Variants in ZNF341 observed in about 807,000 individuals in gnomAD.
The protein encoded by ZNF341 is zinc finger protein 341.
Under a neutral mutation model 87.7 loss-of-function variants are expected in ZNF341, and 52 were observed. The ratio of observed to expected loss-of-function variants is 0.59; its 90% CI spans 0.47 to 0.75. The LOEUF (loss-of-function observed/expected upper bound fraction) is 0.75, where lower values mean the gene tolerates loss of function less well. ZNF341 is among the 30% of genes least tolerant of loss of function. The pLI is 0.00. For missense variants in ZNF341, 977 were observed against 1,145.9 expected, an observed-to-expected ratio of 0.85 and a Z score of 2.13; for synonymous variants, 459 against 472.7, an observed-to-expected ratio of 0.97 and a Z score of 0.38.
At chr20:33,767,071 A>G (rs377400179) in intron 9 of ZNF341, 30 bp downstream of exon 9, 11 of 1,594,386 alleles carry the variant, frequency 6.9e-6, no homozygotes, top group Non-Finnish European at 9.4e-6. Flanking sequence ...AGGGGCCCAC[A>G]CCACACCAGT....
Position 33,731,999 on chromosome 20 carries a change from G to GCGGCGA in ZNF341, c.-17_-12dup. 1.4e-6 allele frequency: 2 copies of GCGGCGA among 1,439,486 alleles called. No homozygotes were observed. Among genetic ancestry groups the GCGGCGA allele is most frequent in the Non-Finnish European group, 9.2e-7 (1 of 1,091,696 alleles). The allele number at this position is 1,439,486 out of a possible 1,614,324, so 89.2% of individuals were successfully genotyped here. On this transcript the variant is annotated 5_prime_UTR_variant, in exon 1 of 15. Coordinates refer to ENST00000375200, the MANE Select transcript of ZNF341 (RefSeq NM_001282933.2). ...GCGTAGCCGGGCTTCGGTTCCTGTG[G>GCGGCGA]CGGCGACGGCGGCGGCTCCAAGATG... is the stretch of plus-strand genomic sequence containing the variant.
chr20:33,780,595 A>G (rs886955431), intron 10 of ZNF341, among the ~76,000 whole-genome samples: 1 of 152,012 alleles, frequency 6.6e-6, no homozygotes, highest in Admixed American at 6.6e-5. Context: ...TTTAGTAGAG[A>G]GACGGGGTTT....
Position 33,762,197 on chromosome 20 carries a change from GA to G in ZNF341, c.1222+143del, listed in dbSNP as rs374415933. The G allele has an allele frequency of 2.2e-4, 145 of 671,898 alleles. No homozygotes were observed. In the African/African-American group the frequency reaches 2.2e-3, roughly 10 times the overall value. The allele number at this position is 671,898 out of a possible 1,614,324, so 41.6% of individuals were successfully genotyped here. ...CCTTTATCTATAAAATGTGGCATAAGATGAAAGGAAGGATGACAAACATACA... is the reference window on the plus strand; with the variant it reads ...CCTTTATCTATAAAATGTGGCATAAGTGAAAGGAAGGATGACAAACATACA... On this transcript the variant is annotated intron_variant, in intron 8 of 14. Coordinates refer to ENST00000375200, the MANE Select transcript of ZNF341 (RefSeq NM_001282933.2).
intron 1 of ZNF341, among the ~76,000 whole-genome samples, 156 bp from the exon 2 acceptor site, chr20:33,740,746 C>T (rs529909886): frequency 5.8e-4 from 88 of 152,266 alleles, no homozygotes; most frequent in Non-Finnish European, 1.1e-3. Flanking sequence ...TGGGCTCAAG[C>T]GATCTCCCAC....
intron 4 of ZNF341, among the ~76,000 whole-genome samples, chr20:33,751,279 T>C (rs2019050156): frequency 6.6e-6 from 1 of 152,086 alleles, no homozygotes; most frequent in African/African-American, 2.4e-5. Context: ...ACTGGCTGCG[T>C]TTCACGACTA....
intron 10 of ZNF341, 100 bp from the exon 11 acceptor site, chr20:33,781,191 G>T: frequency 2.4e-6 from 2 of 816,698 alleles, no homozygotes; most frequent in Non-Finnish European, 4.3e-6. Context: ...TGAATTAACT[G>T]TAGGATGTTG....
intron 6 of ZNF341, among the ~76,000 whole-genome samples, chr20:33,757,719 C>A (rs2019209742): frequency 2.0e-5 from 3 of 152,254 alleles, no homozygotes; most frequent in Middle Eastern, 3.4e-3. Context: ...ATAAAAGGGG[C>A]TTCTCCCAGC....
intron 12 of ZNF341, 22 bp downstream of exon 12, chr20:33,783,886 A>G: frequency 6.2e-7 from 1 of 1,602,482 alleles, no homozygotes; most frequent in Non-Finnish European, 8.5e-7. Flanking sequence ...GCCCCTGAGA[A>G]CTCCAGCCCA....
At chr20:33,756,583 G>T (rs2122673513) in intron 5 of ZNF341, among the ~76,000 whole-genome samples, 2 of 152,192 alleles carry the variant, frequency 1.3e-5, no homozygotes, top group East Asian at 3.9e-4. Flanking sequence ...GGCCAGGCTG[G>T]TCTCAAACTC....
Position 33,791,140 on chromosome 20 carries a change from C to A in ZNF341, c.2188C>A (p.Arg730Ser), listed in dbSNP as rs762130381. ...CCGCCACAAATACCTCAAAGATCAC[C>A]GCTGTCGTCTCGGCCCCCAAAAGGA... The part of the protein sequence containing the change: ...FSRHKYLKDH[R>S]CRLGPQKDKD... The change falls in exon 15 of 15, where the codon CGC (arginine) becomes AGC (serine). Residue 730 changes from arginine (R) to serine (S), a missense_variant. Around this residue, in one of 3 missense-constraint regions of ZNF341, gnomAD observed 221 missense variants for 212.7 expected, o/e 1.04. Transcript: ENST00000375200. 2 of 1,613,164 alleles carry A rather than the reference C, an allele frequency of 1.2e-6. No individual in the cohort carries two copies. Among genetic ancestry groups the A allele is most frequent in the African/African-American group, 2.7e-5 (2 of 74,934 alleles).
At chr20:33,775,212 G>GTTT (rs761179803) in intron 10 of ZNF341, among the ~76,000 whole-genome samples, 1 of 137,816 alleles carries the variant, frequency 7.3e-6, no homozygotes. Flanking sequence ...AAAGGGTTTT[G>GTTT]TTTTTTTTTT....
At chr20:33,752,118 C>CT (rs199878741) in intron 4 of ZNF341, 225 of 330,314 alleles carry the variant, frequency 6.8e-4, no homozygotes, top group East Asian at 4.4e-3. Context: ...GCCCCCCCCC[C>CT]TTTTTTTTTA....
intron 7 of ZNF341, among the ~76,000 whole-genome samples, chr20:33,761,616 A>G (rs943477449): frequency 1.8e-4 from 28 of 152,204 alleles, no homozygotes; most frequent in African/African-American, 6.8e-4. Flanking sequence ...CTGTCACAGT[A>G]TGAGATGGTC....
At chr20:33,747,713 CTTTT>C (rs570173400) in intron 3 of ZNF341, among the ~76,000 whole-genome samples, 1 of 125,638 alleles carries the variant, frequency 8.0e-6, no homozygotes, top group Non-Finnish European at 1.6e-5. Context: ...CATCTCTTAC[CTTTT>C]TTTTTTTTTT....
intron 3 of ZNF341, among the ~76,000 whole-genome samples, chr20:33,748,372 T>TA (rs1191561673): frequency 6.6e-6 from 1 of 152,060 alleles, no homozygotes; most frequent in East Asian, 1.9e-4. Flanking sequence ...GCCTGGCTGA[T>TA]ACAAGGAAGT....
Position 33,791,901 on chromosome 20 carries a change from CTGT to C in ZNF341, c.*386_*388del. ...CTGCCTCTGGGTAGCCTCTAGTCTG[CTGT>C]TCTTCAGGAGGCCTGCCATAAACTC... On this transcript the variant is annotated 3_prime_UTR_variant, in exon 15 of 15. Coordinates refer to ENST00000375200, the MANE Select transcript of ZNF341 (RefSeq NM_001282933.2). The C allele has an allele frequency of 4.6e-6, 1 of 216,018 alleles. No homozygotes were observed. Among genetic ancestry groups the C allele is most frequent in the Non-Finnish European group, 9.2e-6 (1 of 109,122 alleles). The allele number at this position is 216,018 out of a possible 1,614,324, so 13.4% of individuals were successfully genotyped here.
chr20:33,776,397 T>C (rs2019628021), intron 10 of ZNF341, among the ~76,000 whole-genome samples: 1 of 151,662 alleles, frequency 6.6e-6, no homozygotes, highest in Non-Finnish European at 1.5e-5. Context: ...CTGGCCTTTT[T>C]TTTTTTTTGA....
chr20:33,745,091 G>T lies in ZNF341; in HGVS notation c.143-12G>T, dbSNP rs1438374455. 4.4e-6 allele frequency: 7 copies of T among 1,605,316 alleles called. No individual in the cohort carries two copies. The highest frequency in any genetic ancestry group is 6.0e-6 in the Non-Finnish European group (7 of 1,172,586). ...GTGGCCTCTTCCCACTACTCTGCGG[G>T]TATGACCCCAGATGACGAGGATGTA... On this transcript the variant is annotated splice_polypyrimidine_tract_variant and intron_variant, in intron 2 of 14. Coordinates refer to ENST00000375200, the MANE Select transcript of ZNF341 (RefSeq NM_001282933.2).
rs1285062516 is a variant in ZNF341, at chr20:33,732,244, C to T, written c.31+192C>T. Among the ~76,000 whole-genome samples, 3 of 149,730 alleles carry T rather than the reference C, an allele frequency of 2.0e-5. No individual in the cohort carries two copies. The highest frequency in any genetic ancestry group is 4.5e-5 in the Non-Finnish European group (3 of 67,192). On this transcript the variant is annotated intron_variant, in intron 1 of 14. Coordinates refer to ENST00000375200, the MANE Select transcript of ZNF341 (RefSeq NM_001282933.2). This position sits in a 1 kb window ranked among gnomAD's most constrained non-coding sequence, Gnocchi z 4.5. The stretch of plus-strand genomic sequence containing the variant: ...GAGGCCCGGCGGGGGAGCTCCGGGG[C>T]CGGAACAGCCGGGGAGAGCCAGGCC...
Sources: allele counts gnomAD v4.1 joint callset (sites outside exome capture counted in the v4.1 genomes callset), GRCh38; gene constraint gnomAD v4.1.1; regional missense constraint gnomAD v4.1.1; non-coding constraint Gnocchi (gnomAD v3.1); transcripts MANE v1.5; gene names NCBI Gene and HGNC (gene_info 2026-07-23, HGNC 2026-07-21).